The following WDR7 variants were observed in gnomAD, a reference collection of about 807,000 sequenced individuals.
WDR7 encodes the protein WD repeat domain 7.
Under a neutral mutation model 169.4 loss-of-function variants are expected in WDR7, and 46 were observed. The ratio of observed to expected loss-of-function variants is 0.27; its 90% CI spans 0.21 to 0.35. WDR7 has a LOEUF of 0.35. Ranked by LOEUF, WDR7 falls within the 10% of genes least tolerant of loss-of-function variation. The pLI is 1.00. For missense variants in WDR7, 1,534 were observed against 1,859.3 expected (o/e 0.83, Z 3.22); for synonymous variants, 612 against 666.8 (o/e 0.92, Z 1.27).
chr18:56,857,845 CTGTGTAGAGGTT>C (rs2045746545), intron 20 of WDR7, among the ~76,000 whole-genome samples: 1 of 152,148 alleles, frequency 6.6e-6, no homozygotes, highest in Non-Finnish European at 1.5e-5. Flanking sequence ...GCCCAAAACG[CTGTGTAGAGGTT>C]TGTCACTCTA....
chr18:56,878,209 G>A (rs2046053943), intron 20 of WDR7, among the ~76,000 whole-genome samples: 1 of 152,112 alleles, frequency 6.6e-6, no homozygotes, highest in African/African-American at 2.4e-5. Context: ...TTATTTTTGG[G>A]TATCCTTCTA....
intron 19 of WDR7, chr18:56,781,976 A>G (rs2145074645): frequency 5.8e-6 from 1 of 171,262 alleles, no homozygotes; most frequent in African/African-American, 2.4e-5. Context: ...TATGGATGCC[A>G]GCTTGTTCGA....
chr18:56,836,988 C>G (rs914739405), intron 20 of WDR7, among the ~76,000 whole-genome samples: 4 of 152,152 alleles, frequency 2.6e-5, no homozygotes, highest in Non-Finnish European at 5.9e-5. Context: ...AAACATCTGT[C>G]ACACAACAAA....
At chr18:57,036,228 G>A in the WDR7 span, 31,105 of 152,238 alleles carry the variant, frequency 0.2, 3,688 homozygotes, top group Non-Finnish European at 0.27. Context: ...TCTGAGCGGG[G>A]CAAAGGGTGA....
intron 25 of WDR7, among the ~76,000 whole-genome samples, chr18:56,962,174 G>GT (rs2047347320): frequency 6.6e-6 from 1 of 151,904 alleles, no homozygotes; most frequent in Non-Finnish European, 1.5e-5. Flanking sequence ...GCTTGTGATT[G>GT]TAAGTTGTTT....
chr18:56,793,054 T>C (rs1352077659), intron 19 of WDR7, among the ~76,000 whole-genome samples: 3 of 152,218 alleles, frequency 2.0e-5, no homozygotes, highest in Non-Finnish European at 4.4e-5. Context: ...CAGCTCAGTA[T>C]GTGCATTCAA....
intron 24 of WDR7, among the ~76,000 whole-genome samples, 168 bp from the exon 25 acceptor site, chr18:56,939,143 G>T (rs59168230): frequency 0.037 from 5,568 of 152,072 alleles, 308 homozygotes; most frequent in African/African-American, 0.12. Flanking sequence ...ATAAGAGAAA[G>T]GATAGACTGT....
intron 12 of WDR7, among the ~76,000 whole-genome samples, chr18:56,701,898 G>A (rs1034806986): frequency 2.6e-5 from 4 of 152,150 alleles, no homozygotes; most frequent in Non-Finnish European, 5.9e-5. Flanking sequence ...CAATTTTACA[G>A]TGTTTTAATG....
At chr18:56,870,965 A>G (rs1466193656) in intron 20 of WDR7, among the ~76,000 whole-genome samples, 4 of 152,220 alleles carry the variant, frequency 2.6e-5, no homozygotes, top group Non-Finnish European at 4.4e-5. Flanking sequence ...TATGCTTTTT[A>G]TAGTCAGTGT....
intron 21 of WDR7, among the ~76,000 whole-genome samples, chr18:56,918,534 A>G (rs968512610): frequency 4.6e-5 from 7 of 152,208 alleles, no homozygotes; most frequent in African/African-American, 1.2e-4. Context: ...TATAAACATT[A>G]GAGAATACCA....
At position 56,816,044 on chromosome 18, in the gene WDR7, A is replaced by G. The variant is rs746621690; in HGVS notation, c.3204A>G (p.Ser1068=). 2.5e-6 allele frequency: 4 copies of G among 1,603,824 alleles called. No individual in the cohort carries two copies. The highest frequency in any genetic ancestry group is 2.3e-5 in the South Asian group (2 of 88,594). ...TATTTGTTTTAGCTGGAGTCACATC[A>G]GAAGCCGCGCAGACTATCACCACGG... is the stretch of plus-strand genomic sequence containing the variant. ...IDHVISPGVT[S]EAAQTITTAP... The change falls in exon 20 of 28, where the codon TCA becomes TCG. Residue 1068 remains serine, a synonymous_variant. Coordinates refer to ENST00000254442, the MANE Select transcript of WDR7 (RefSeq NM_015285.3).
chr18:56,913,372 A>G (rs1358549455), intron 21 of WDR7, among the ~76,000 whole-genome samples: 1 of 152,158 alleles, frequency 6.6e-6, no homozygotes, highest in Non-Finnish European at 1.5e-5. Context: ...CACTACATGT[A>G]ACCACCATTC....
rs192054630 is a variant in WDR7, at chr18:56,851,648, A to T, written c.3305-28296A>T. Reference sequence around the variant, plus strand: ...ACCTAGACCAAGATTTCTGAACTTGATCCTTCATGATGTCCCTAAATGCCT... The same window carrying T: ...ACCTAGACCAAGATTTCTGAACTTGTTCCTTCATGATGTCCCTAAATGCCT... On this transcript the variant is annotated intron_variant, in intron 20 of 27. Coordinates refer to ENST00000254442, the MANE Select transcript of WDR7 (RefSeq NM_015285.3). Among the ~76,000 whole-genome samples, 301 of 152,264 alleles carry T rather than the reference A, an allele frequency of 2.0e-3. 2 individuals carry two copies. Among genetic ancestry groups the T allele is most frequent in the African/African-American group, 6.9e-3 (288 of 41,550 alleles).
chr18:56,983,012 C>T (rs2047667725), intron 26 of WDR7, among the ~76,000 whole-genome samples: 1 of 152,140 alleles, frequency 6.6e-6, no homozygotes, highest in Admixed American at 6.6e-5. Flanking sequence ...AGGACAACAG[C>T]AGGATTTAGG....
At chr18:56,814,750 C>T (rs2044934640) in intron 19 of WDR7, among the ~76,000 whole-genome samples, 1 of 151,876 alleles carries the variant, frequency 6.6e-6, no homozygotes, top group Non-Finnish European at 1.5e-5. Context: ...GTGCAATTTA[C>T]CTATATAGCA....
At chr18:56,787,442 A>G (rs2044418992) in intron 19 of WDR7, among the ~76,000 whole-genome samples, 1 of 152,252 alleles carries the variant, frequency 6.6e-6, no homozygotes, top group African/African-American at 2.4e-5. Context: ...TATGGCCAAC[A>G]TAGTATTAAT....
intron 19 of WDR7, among the ~76,000 whole-genome samples, chr18:56,799,484 G>A (rs1019769048): frequency 1.4e-4 from 21 of 151,958 alleles, no homozygotes; most frequent in African/African-American, 5.1e-4. Flanking sequence ...ATATTACAGT[G>A]TTGCTGATAA....
intron 16 of WDR7, among the ~76,000 whole-genome samples, chr18:56,762,280 T>C (rs1842230857): frequency 1.3e-5 from 2 of 152,028 alleles, no homozygotes. Flanking sequence ...TTTCAGATTA[T>C]TCAGGTTACA....
intron 19 of WDR7, among the ~76,000 whole-genome samples, chr18:56,803,313 T>G (rs2044709530): frequency 6.6e-6 from 1 of 152,166 alleles, no homozygotes; most frequent in Admixed American, 6.5e-5. Flanking sequence ...TAAAACCAGA[T>G]TCTTGTGTAT....
Sources: allele counts gnomAD v4.1 joint callset (sites outside exome capture counted in the v4.1 genomes callset), GRCh38; gene constraint gnomAD v4.1.1; transcripts MANE v1.5; gene names NCBI Gene and HGNC (gene_info 2026-07-23, HGNC 2026-07-21).